The following E2F5 variants were observed in gnomAD, a reference collection of about 807,000 sequenced individuals.
The protein encoded by E2F5 is E2F transcription factor 5.
In E2F5, 23 loss-of-function variants were observed where a neutral mutation model predicts 39.1. The ratio of observed to expected loss-of-function variants is 0.59; its 90% CI spans 0.42 to 0.83. The LOEUF (loss-of-function observed/expected upper bound fraction) is 0.83, where lower values mean the gene tolerates loss of function less well. Ranked by LOEUF, E2F5 falls within the 40% of genes least tolerant of loss-of-function variation. The pLI is 0.00. For synonymous variants in E2F5, 145 were observed against 157.8 expected, an observed-to-expected ratio of 0.92 and a Z score of 0.61; for missense variants, 365 against 406.7, an observed-to-expected ratio of 0.90 and a Z score of 0.88.
At chr8:85,204,405 G>A (rs1255394920) in intron 3 of E2F5, among the ~76,000 whole-genome samples, 1 of 151,140 alleles carries the variant, frequency 6.6e-6, no homozygotes, top group Non-Finnish European at 1.5e-5. Context: ...CATGGATGAC[G>A]CTGGAAACCA....
intron 6 of E2F5, among the ~76,000 whole-genome samples, chr8:85,210,094 G>T (rs547195638): frequency 8.6e-4 from 131 of 152,250 alleles, no homozygotes; most frequent in Admixed American, 2.5e-3. Flanking sequence ...CCAAATAAAG[G>T]GAGCATGGTA....
intron 1 of E2F5, among the ~76,000 whole-genome samples, chr8:85,197,424 G>A (rs115483164): frequency 5.9e-4 from 90 of 152,272 alleles, no homozygotes; most frequent in African/African-American, 2.1e-3. Flanking sequence ...ATGAAGGGAC[G>A]TGGCCTCATG....
At chr8:85,210,878 G>A (rs1812901958) in intron 6 of E2F5, among the ~76,000 whole-genome samples, 1 of 152,070 alleles carries the variant, frequency 6.6e-6, no homozygotes, top group African/African-American at 2.4e-5. Flanking sequence ...GTAATTTTGG[G>A]CTACATTAGA....
At position 85,213,824 on chromosome 8, in the gene E2F5, G is replaced by A; in HGVS notation, c.1003G>A (p.Val335Ile). 1 of 1,612,958 alleles carries A rather than the reference G, an allele frequency of 6.2e-7. No individual in the cohort carries two copies. The highest frequency in any genetic ancestry group is 8.5e-7 in the Non-Finnish European group (1 of 1,179,210). ...YNFNLDDNEG[V>I]CDLFDVQILN... ...CTTTAATTTAGATGATAACGAAGGA[G>A]TTTGTGATCTGTTTGATGTCCAGAT... is the stretch of plus-strand genomic sequence containing the variant. The change falls in exon 8 of 8, where the codon GTT becomes ATT. Residue 335 changes from valine to isoleucine, a missense_variant. Val to Ile is a conservative substitution (Grantham distance 29). Coordinates refer to ENST00000416274, the MANE Select transcript of E2F5 (RefSeq NM_001951.4).
intron 1 of E2F5, among the ~76,000 whole-genome samples, chr8:85,178,902 T>G (rs1812143673): frequency 6.6e-6 from 1 of 152,264 alleles, no homozygotes; most frequent in African/African-American, 2.4e-5. Flanking sequence ...ACCTAAATTG[T>G]TCAACTTCAT....
At chr8:85,186,589 G>GAT (rs1290277847) in intron 1 of E2F5, among the ~76,000 whole-genome samples, 2 of 146,882 alleles carry the variant, frequency 1.4e-5, no homozygotes, top group African/African-American at 2.5e-5. Context: ...GTATATATAT[G>GAT]ATATATATAA....
rs1215505554 is a variant in E2F5 at position 85,202,262 on chromosome 8, T to G, written c.344+6T>G. The G allele has an allele frequency of 6.3e-7, 1 of 1,587,582 alleles. No individual in the cohort carries two copies. On this transcript the variant is annotated splice_donor_region_variant and intron_variant, in intron 2 of 7. Coordinates refer to ENST00000416274, the MANE Select transcript of E2F5 (RefSeq NM_001951.4). ...AAAAACAGTATCCAGTGGAAGTAAG[T>G]TACAAACCAGCACCCTCTTCTGAAA...
intron 1 of E2F5, among the ~76,000 whole-genome samples, chr8:85,178,973 T>C (rs1045169809): frequency 2.6e-5 from 4 of 152,260 alleles, no homozygotes; most frequent in African/African-American, 9.6e-5. Flanking sequence ...TATTTTCTTT[T>C]TGATATGTTA....
chr8:85,214,482 C>T lies in E2F5; in HGVS notation c.*620C>T, dbSNP rs1486314867. The T allele has an allele frequency of 9.7e-7, 1 of 1,030,560 alleles. No individual in the cohort carries two copies. Among genetic ancestry groups the T allele is most frequent in the Non-Finnish European group, 1.5e-6 (1 of 667,466 alleles). The allele number at this position is 1,030,560 out of a possible 1,614,324, so 63.8% of individuals were successfully genotyped here. ...AAATGTGCCAATGCCTGTACATTAA[C>T]AAGATTTTTAAAAATAAAATTGTAT... On this transcript the variant is annotated 3_prime_UTR_variant, in exon 8 of 8. Transcript: ENST00000416274.
In E2F5 at chr8:85,211,689, T is replaced by C. The variant is rs561049808; in HGVS notation, c.884-468T>C. On this transcript the variant is annotated intron_variant, in intron 6 of 7. Transcript: ENST00000416274. ...TTTTTTTTGGCAGGGTCTCACTTTG[T>C]CAGCCAGGCTGGAATGCAGTGGCGC... Among the ~76,000 whole-genome samples, 21 of 145,088 alleles carry C rather than the reference T, an allele frequency of 1.4e-4. No homozygotes were observed. The South Asian group carries it at 2.1e-3, about 14-fold the overall frequency.
chr8:85,203,137 T>G lies in E2F5; in HGVS notation c.388T>G (p.Leu130Val). 6.3e-7 allele frequency: 1 copy of G among 1,595,494 alleles called. No individual in the cohort carries two copies. The highest frequency in any genetic ancestry group is 8.5e-7 in the Non-Finnish European group (1 of 1,170,406). Residue 130 changes from leucine to valine, a missense_variant, in exon 3 of 8, where the codon TTA (leucine) becomes GTA (valine). By Grantham distance (32) the Leu-to-Val change is conservative. Coordinates refer to ENST00000416274, the MANE Select transcript of E2F5 (RefSeq NM_001951.4). The part of the protein sequence containing the change: ...GCNTKEVIDR[L>V]RYLKAEIEDL... ...TAATACTAAAGAAGTCATAGATAGA[T>G]TAAGATATCTTAAAGCTGAAATTGA... is the stretch of plus-strand genomic sequence containing the variant.
At chr8:85,205,825 A>G (rs915459339) in intron 3 of E2F5, among the ~76,000 whole-genome samples, 11 of 152,194 alleles carry the variant, frequency 7.2e-5, no homozygotes, top group Non-Finnish European at 1.2e-4. Flanking sequence ...AAAAACAACG[A>G]TCACAGAAAA....
At chr8:85,181,458 G>A (rs1270774580) in intron 1 of E2F5, among the ~76,000 whole-genome samples, 2 of 150,246 alleles carry the variant, frequency 1.3e-5, no homozygotes, top group Admixed American at 6.6e-5. Flanking sequence ...AGGCTCCTGA[G>A]TAGCTGGGAC....
chr8:85,178,436 G>C (rs920714405), intron 1 of E2F5, among the ~76,000 whole-genome samples: 1 of 152,150 alleles, frequency 6.6e-6, no homozygotes, highest in African/African-American at 2.4e-5. Flanking sequence ...TCAAACAGGA[G>C]CAGGCATCAA....
chr8:85,203,510 A>G (rs1314440659), intron 3 of E2F5, among the ~76,000 whole-genome samples: 1 of 152,108 alleles, frequency 6.6e-6, no homozygotes, highest in African/African-American at 2.4e-5. Flanking sequence ...CTTTTGGTCT[A>G]CCAATTGATA....
intron 6 of E2F5, among the ~76,000 whole-genome samples, chr8:85,211,640 G>GTTTTTTTT (rs1563984332): frequency 2.5e-5 from 2 of 81,058 alleles, no homozygotes; most frequent in African/African-American, 1.3e-4. Context: ...GAGGTTTGTT[G>GTTTTTTTT]TTGTTTTTTT....
intron 1 of E2F5, among the ~76,000 whole-genome samples, chr8:85,191,588 TAAAC>T (rs951154675): frequency 1.3e-5 from 2 of 152,228 alleles, no homozygotes; most frequent in Non-Finnish European, 2.9e-5. Context: ...TGTTTTGTCT[TAAAC>T]AACTACATTT....
At position 85,213,749 on chromosome 8, in the gene E2F5, G is replaced by A. The variant is rs199845455; in HGVS notation, c.932-4G>A. 207 of 1,571,010 alleles carry A rather than the reference G, an allele frequency of 1.3e-4. No individual in the cohort carries two copies. Among genetic ancestry groups the A allele is most frequent in the Middle Eastern group, 1.7e-4 (1 of 5,984 alleles). ...TTAACACTAAATTTGTTTTTTGTTC[G>A]CAGTGTTTCCTCTCTTAAGGCTTTC... On this transcript the variant is annotated splice_region_variant and splice_polypyrimidine_tract_variant and intron_variant, in intron 7 of 7. Transcript: ENST00000416274.
intron 1 of E2F5, among the ~76,000 whole-genome samples, chr8:85,188,005 T>A (rs1812377499): frequency 6.6e-6 from 1 of 152,202 alleles, no homozygotes; most frequent in African/African-American, 2.4e-5. Flanking sequence ...TATTTTAAGC[T>A]GATAACAAGT....
Sources: allele counts gnomAD v4.1 joint callset (sites outside exome capture counted in the v4.1 genomes callset), GRCh38; gene constraint gnomAD v4.1.1; transcripts MANE v1.5; gene names NCBI Gene and HGNC (gene_info 2026-07-23, HGNC 2026-07-21).